FAM184A: variants seen among roughly 807,000 people sequenced by gnomAD.
FAM184A encodes family with sequence similarity 184 member A.
A neutral mutation model predicts 143.8 loss-of-function variants in FAM184A; 99 were observed. The observed-to-expected ratio is 0.69, with a 90% confidence interval of 0.58 to 0.81. The LOEUF (loss-of-function observed/expected upper bound fraction) is 0.81. FAM184A is among the 40% of genes least tolerant of loss of function. The pLI is 0.00. For missense variants in FAM184A, 1,217 were observed against 1,310.5 expected (o/e 0.93, Z 1.10); for synonymous variants, 427 against 446.4 (o/e 0.96, Z 0.55).
chr6:119,046,573 A>AG (rs1786542875), intron 1 of FAM184A, among the ~76,000 whole-genome samples: 2 of 151,830 alleles, frequency 1.3e-5, no homozygotes, highest in African/African-American at 4.8e-5. Context: ...ATAAAAAAAA[A>AG]AACTATGCAA....
chr6:118,964,748 C>T lies in FAM184A; in HGVS notation c.3057G>A (p.Leu1019=). ...KLIEDNKFYQ[L]ELVNRETNFN... ...AGTTAGTTTCTCGATTGACTAATTC[C>T]AGCTGATAAAACTTATTATCCTCCT... The change falls in exon 16 of 18, where the codon CTG becomes CTA. Residue 1019 remains leucine (L), a synonymous_variant. Coordinates refer to ENST00000338891, the MANE Select transcript of FAM184A (RefSeq NM_024581.6). 6.3e-7 allele frequency: 1 copy of T among 1,599,558 alleles called. No individual in the cohort carries two copies. Among genetic ancestry groups the T allele is most frequent in the Non-Finnish European group, 8.6e-7 (1 of 1,168,346 alleles).
intron 6 of FAM184A, among the ~76,000 whole-genome samples, chr6:119,007,271 C>T (rs1221816910): frequency 6.6e-6 from 1 of 152,066 alleles, no homozygotes; most frequent in Admixed American, 6.6e-5. Context: ...GTAAAAACCG[C>T]ATTCTTATAA....
intron 1 of FAM184A, among the ~76,000 whole-genome samples, chr6:119,047,705 T>C (rs1354931595): frequency 2.0e-5 from 3 of 152,040 alleles, no homozygotes; most frequent in Non-Finnish European, 4.4e-5. Flanking sequence ...AACAGATCAA[T>C]AATGAGCTCC....
chr6:119,111,766 T>C (rs937704015), intron 1 of FAM184A, among the ~76,000 whole-genome samples: 1 of 152,194 alleles, frequency 6.6e-6, no homozygotes, highest in Non-Finnish European at 1.5e-5. Context: ...ATGCATGTAG[T>C]AGATTCAGCT....
At chr6:119,097,476 C>A (rs1482777145) in intron 1 of FAM184A, among the ~76,000 whole-genome samples, 1 of 152,054 alleles carries the variant, frequency 6.6e-6, no homozygotes, top group Non-Finnish European at 1.5e-5. Context: ...GATTCTGAGA[C>A]AAGGATTTGG....
At chr6:119,041,846 T>C (rs1291611051) in intron 1 of FAM184A, among the ~76,000 whole-genome samples, 1 of 152,146 alleles carries the variant, frequency 6.6e-6, no homozygotes, top group Admixed American at 6.5e-5. Context: ...TGAACACTAG[T>C]TGCTGGGTTC....
intron 1 of FAM184A, among the ~76,000 whole-genome samples, chr6:119,041,959 T>G (rs539584522): frequency 5.0e-4 from 76 of 152,178 alleles, no homozygotes; most frequent in African/African-American, 1.8e-3. Context: ...GAACCCCAGG[T>G]CAGAGAACAC....
rs181640772 is a variant in FAM184A at position 119,114,024 on chromosome 6, C to T, written c.-202+35054G>A. On this transcript the variant is annotated intron_variant, in intron 1 of 16. Transcript: ENST00000352896. ...TATTGTTATTGTTGTTCATCTCTTACGGTGCCTAGTTTATAAATTAAACTT... is the reference window on the plus strand; with the variant it reads ...TATTGTTATTGTTGTTCATCTCTTATGGTGCCTAGTTTATAAATTAAACTT... 3.7e-4 allele frequency among the ~76,000 whole-genome samples: 57 copies of T among 152,162 alleles called. 1 individual carries two copies. Among genetic ancestry groups the T allele is most frequent in the Non-Finnish European group, 5.6e-4 (38 of 68,010 alleles).
intron 10 of FAM184A, 40 bp from the exon 11 acceptor site, chr6:118,979,558 G>A: frequency 2.0e-6 from 3 of 1,482,908 alleles, no homozygotes; most frequent in East Asian, 4.8e-5. Context: ...CTAGAATATA[G>A]GAAGGAAAAT....
chr6:119,029,731 G>C (rs1472533645), intron 1 of FAM184A, among the ~76,000 whole-genome samples: 1 of 152,128 alleles, frequency 6.6e-6, no homozygotes, highest in Non-Finnish European at 1.5e-5. Flanking sequence ...TTATAGTGAG[G>C]AGCTTTTATT....
intron 9 of FAM184A, among the ~76,000 whole-genome samples, chr6:118,997,706 A>G (rs945932610): frequency 3.3e-5 from 5 of 152,158 alleles, no homozygotes; most frequent in African/African-American, 1.2e-4. Context: ...AGGGGAAAAA[A>G]AAAACAAAAA....
rs747210428 is a variant in FAM184A at position 118,975,095 on chromosome 6, G to C, written c.2697C>G (p.Ala899=). The part of the protein sequence containing the change: ...EVQHLHENIS[A]LTKELEFKGK... The stretch of plus-strand genomic sequence containing the variant: ...CCTTAAATTCCAGTTCTTTGGTTAG[G>C]GCACTTATATTCTCATGAAGGTGCT... The change falls in exon 13 of 18, where the codon GCC becomes GCG. Residue 899 remains alanine, a synonymous_variant. Transcript: ENST00000338891. 3 of 1,612,754 alleles carry C rather than the reference G, an allele frequency of 1.9e-6. No homozygotes were observed. The highest frequency in any genetic ancestry group is 2.5e-6 in the Non-Finnish European group (3 of 1,179,354).
chr6:119,090,060 A>T (rs756480699), intron 1 of FAM184A, among the ~76,000 whole-genome samples: 3 of 152,218 alleles, frequency 2.0e-5, no homozygotes, highest in African/African-American at 7.2e-5. Context: ...TGAATATCAC[A>T]ATCAACCAGA....
intron 1 of FAM184A, among the ~76,000 whole-genome samples, chr6:119,026,254 G>T (rs1319746583): frequency 6.6e-6 from 1 of 152,106 alleles, no homozygotes; most frequent in African/African-American, 2.4e-5. Context: ...TTCACATTCT[G>T]TTTTTAAAAA....
chr6:119,081,999 G>A (rs898740736), upstream of FAM184A, among the ~76,000 whole-genome samples: 2 of 152,200 alleles, frequency 1.3e-5, no homozygotes, highest in African/African-American at 4.8e-5. Context: ...AGGGTCCCCA[G>A]GTTTTTATAG....
Position 119,032,247 on chromosome 6 carries a change from G to A in FAM184A, c.160-7434C>T, listed in dbSNP as rs553224003. On this transcript the variant is annotated intron_variant, in intron 1 of 17. Transcript: ENST00000338891. ...AGATCATGCTACTGCACTCCAACCTGGGCAACAAAGTAACTCTGTCTCAAA... is the reference window on the plus strand; with the variant it reads ...AGATCATGCTACTGCACTCCAACCTAGGCAACAAAGTAACTCTGTCTCAAA... 1.1e-4 allele frequency among the ~76,000 whole-genome samples: 16 copies of A among 151,454 alleles called. No homozygotes were observed. The South Asian group carries it at 2.9e-3, about 28-fold the overall frequency.
At chr6:119,118,022 T>C (rs1366974393) in intron 1 of FAM184A, among the ~76,000 whole-genome samples, 1 of 152,132 alleles carries the variant, frequency 6.6e-6, no homozygotes, top group African/African-American at 2.4e-5. Context: ...ACACCAAAGA[T>C]CACTCAGATT....
At chr6:119,066,396 C>G (rs1787453713) in intron 1 of FAM184A, among the ~76,000 whole-genome samples, 1 of 152,138 alleles carries the variant, frequency 6.6e-6, no homozygotes. Flanking sequence ...TCCAAATAGT[C>G]AAGGATAATC....
rs931102884 is a variant in FAM184A at position 119,067,076 on chromosome 6, AT to A, written c.159+11064del. Among the ~76,000 whole-genome samples, 149 of 152,216 alleles carry A rather than the reference AT, an allele frequency of 9.8e-4. 2 individuals carry two copies. Among genetic ancestry groups the A allele is most frequent in the African/African-American group, 3.5e-3 (145 of 41,528 alleles). ...CTCCATGCCCTGGAATCATTTACAT[AT>A]TTTTTTTCCTTTTTCTGATGTAGGG... On this transcript the variant is annotated intron_variant, in intron 1 of 17. Transcript: ENST00000338891.
Sources: allele counts gnomAD v4.1 joint callset (sites outside exome capture counted in the v4.1 genomes callset), GRCh38; gene constraint gnomAD v4.1.1; transcripts MANE v1.5; gene names NCBI Gene and HGNC (gene_info 2026-07-23, HGNC 2026-07-21).